Variants in RNF17 observed in about 807,000 individuals in gnomAD.
The protein encoded by RNF17 is spermatogenesis associated 23.
A neutral mutation model predicts 200.5 loss-of-function variants in RNF17; 31 were observed. The ratio of observed to expected loss-of-function variants is 0.15; its 90% confidence interval spans 0.12 to 0.21. The LOEUF is 0.21. Ranked by LOEUF, RNF17 falls within the 10% of genes least tolerant of loss-of-function variation. The probability of loss-of-function intolerance (pLI) is 1.00; values close to 1 mark genes in which losing one functional copy is unlikely to be tolerated. For missense variants in RNF17, 1,628 were observed against 1,905.1 expected (o/e 0.85, Z 2.71); for synonymous variants, 606 against 637.8 (o/e 0.95, Z 0.75).
chr13:24,778,584 A>C (rs1881906469), intron 4 of RNF17, among the ~76,000 whole-genome samples, 178 bp downstream of exon 4: 1 of 152,170 alleles, frequency 6.6e-6, no homozygotes, highest in Non-Finnish European at 1.5e-5. Flanking sequence ...CTTTTCTTCC[A>C]AGGCAGCCTG....
At chr13:24,769,159 C>T (rs536804644) in intron 2 of RNF17, among the ~76,000 whole-genome samples, 36 of 149,642 alleles carry the variant, frequency 2.4e-4, no homozygotes, top group African/African-American at 8.9e-4. Flanking sequence ...CTGGAACTGT[C>T]TGTGTCCATA....
chr13:24,872,780 T>C (rs1340623019), intron 32 of RNF17, among the ~76,000 whole-genome samples: 1 of 152,140 alleles, frequency 6.6e-6, no homozygotes, highest in Non-Finnish European at 1.5e-5. Flanking sequence ...TGATAACTGC[T>C]CAAGGTGATG....
Position 24,789,328 on chromosome 13 carries a change from AT to A in RNF17, c.784-10del, listed in dbSNP as rs200361407. ...TTGTGACAAGATTCACACATGAATG[AT>A]TTTTTTTTTAAATTCTAGATTATCC... is the stretch of plus-strand genomic sequence containing the variant. On this transcript the variant is annotated intron_variant, in intron 7 of 35. Coordinates refer to ENST00000255324, the MANE Select transcript of RNF17 (RefSeq NM_031277.3). 4,910 of 1,364,952 alleles carry A rather than the reference AT, an allele frequency of 3.6e-3. No individual in the cohort carries two copies. Among genetic ancestry groups the A allele is most frequent in the South Asian group, 5.2e-3 (403 of 77,692 alleles). 84.6% of individuals were successfully genotyped at this position (1,364,952 alleles called of 1,614,324 possible).
chr13:24,823,160 A>T (rs1593348425), intron 15 of RNF17, among the ~76,000 whole-genome samples: 1 of 151,814 alleles, frequency 6.6e-6, no homozygotes, highest in Non-Finnish European at 1.5e-5. Context: ...TGCAACCTCC[A>T]CCTCCCAGGT....
At chr13:24,857,864 C>T (rs1892681881) in intron 25 of RNF17, among the ~76,000 whole-genome samples, 1 of 152,170 alleles carries the variant, frequency 6.6e-6, no homozygotes. Context: ...TGCCACTGCT[C>T]CAGCCTGGGC....
At chr13:24,822,032 G>C (rs1025701585) in intron 15 of RNF17, among the ~76,000 whole-genome samples, 2 of 152,156 alleles carry the variant, frequency 1.3e-5, no homozygotes, top group African/African-American at 4.8e-5. Flanking sequence ...GGCTGGAGGT[G>C]GATGTGCCGG....
At chr13:24,751,162 T>C in the RNF17 span, 1 of 152,152 alleles carries the variant, frequency 6.6e-6, no homozygotes, top group Non-Finnish European at 1.5e-5. Flanking sequence ...TTTTGACGCT[T>C]TCTTCGCAGG....
intron 15 of RNF17, among the ~76,000 whole-genome samples, chr13:24,812,618 T>C (rs573533421): frequency 4.5e-4 from 66 of 146,980 alleles, no homozygotes; most frequent in Admixed American, 2.7e-3. Flanking sequence ...TTGTTGACAC[T>C]GGGAGCTGTA....
the RNF17 span, among the ~76,000 whole-genome samples, chr13:24,754,901 A>T: frequency 6.6e-6 from 1 of 152,040 alleles, no homozygotes; most frequent in Non-Finnish European, 1.5e-5. Context: ...GTCTTAAAAA[A>T]AAAAAAAAAA....
At chr13:24,847,689 G>A (rs1397302496) in intron 22 of RNF17, among the ~76,000 whole-genome samples, 1 of 151,942 alleles carries the variant, frequency 6.6e-6, no homozygotes, top group Middle Eastern at 3.4e-3. Flanking sequence ...TTTAAAATTT[G>A]TTTTATTCCC....
At chr13:24,761,772 A>G (rs1310229487), upstream of RNF17, among the ~76,000 whole-genome samples, 1 of 152,250 alleles carries the variant, frequency 6.6e-6, no homozygotes, top group African/African-American at 2.4e-5. Flanking sequence ...GGTAAGTGCT[A>G]AGAAATGAAC....
At chr13:24,760,567 A>AT (rs1593181681), upstream of RNF17, among the ~76,000 whole-genome samples, 2 of 152,196 alleles carry the variant, frequency 1.3e-5, no homozygotes, top group South Asian at 4.1e-4. Flanking sequence ...CTGGAGAATG[A>AT]TTTTTTTGGA....
intron 25 of RNF17, among the ~76,000 whole-genome samples, chr13:24,857,780 C>G (rs7997772): frequency 0.024 from 3,695 of 152,218 alleles, 135 homozygotes; most frequent in African/African-American, 0.084. Context: ...ATGCCTGGGT[C>G]TCAGCTACTC....
At chr13:24,801,193 T>C (rs1052234404) in intron 13 of RNF17, among the ~76,000 whole-genome samples, 1 of 152,240 alleles carries the variant, frequency 6.6e-6, no homozygotes, top group African/African-American at 2.4e-5. Context: ...TAATTTTCTC[T>C]TTTTTAACTT....
chr13:24,850,399 C>T lies in RNF17; in HGVS notation c.3160C>T (p.Leu1054=), dbSNP rs1345237454. 6.2e-7 allele frequency: 1 copy of T among 1,613,478 alleles called. No individual in the cohort carries two copies. Among genetic ancestry groups the T allele is most frequent in the South Asian group, 1.1e-5 (1 of 90,952 alleles). The change falls in exon 23 of 36, where the codon CTG becomes TTG. Residue 1054 remains leucine, a synonymous_variant. Coordinates refer to ENST00000255324, the MANE Select transcript of RNF17 (RefSeq NM_031277.3). The part of the protein sequence containing the change: ...ATACDCLSLY[L]TGAVATIILQ... ...AGCTTGTGACTGTCTTTCATTGTAC[C>T]TGACTGGAGCTGTAGCAACTATAAT...
intron 34 of RNF17, among the ~76,000 whole-genome samples, chr13:24,877,514 GAAAT>G (rs1447862292): frequency 2.6e-5 from 4 of 152,156 alleles, no homozygotes; most frequent in Admixed American, 2.6e-4. Flanking sequence ...GAGGTTGAAT[GAAAT>G]AAGTACTATA....
At chr13:24,748,994 T>A in the RNF17 span, among the ~76,000 whole-genome samples, 2 of 152,174 alleles carry the variant, frequency 1.3e-5, no homozygotes, top group Non-Finnish European at 2.9e-5. Context: ...CCTCAAATGA[T>A]CCACCCACCT....
Position 24,789,381 on chromosome 13 carries a change from G to A in RNF17, c.817G>A (p.Glu273Lys). ...IRTLQLTSDS[E>K]LAQVSSPQLR... is the part of the protein sequence containing the mutation. ...GACTTTGCAGTTAACTTCAGATAGT[G>A]AATTAGCACAAGTTAGTTCTCCACA... The change falls in exon 8 of 36, where the codon GAA becomes AAA. Residue 273 changes from glutamate to lysine, a missense_variant. Glu to Lys is a moderately conservative substitution (Grantham distance 56). Coordinates refer to ENST00000255324, the MANE Select transcript of RNF17 (RefSeq NM_031277.3). 2 of 1,605,420 alleles carry A rather than the reference G, an allele frequency of 1.2e-6. No individual in the cohort carries two copies. Among genetic ancestry groups the A allele is most frequent in the Non-Finnish European group, 1.7e-6 (2 of 1,173,802 alleles).
At chr13:24,840,303 G>GA (rs1890481625) in intron 18 of RNF17, among the ~76,000 whole-genome samples, 1 of 152,190 alleles carries the variant, frequency 6.6e-6, no homozygotes, top group Admixed American at 6.5e-5. Context: ...AGTTACTATG[G>GA]AAAACAGTGT....
Sources: allele counts gnomAD v4.1 joint callset (sites outside exome capture counted in the v4.1 genomes callset), GRCh38; gene constraint gnomAD v4.1.1; transcripts MANE v1.5; gene names NCBI Gene and HGNC (gene_info 2026-07-23, HGNC 2026-07-21).